Variants in GABRB2 observed in about 807,000 individuals in gnomAD.
GABRB2 encodes the protein gamma-aminobutyric acid receptor subunit beta-2.
GABRB2 carries 16 observed loss-of-function variants against 54.7 expected under a neutral mutation model. The observed-to-expected ratio is 0.29, with a 90% CI of 0.20 to 0.44. The LOEUF (loss-of-function observed/expected upper bound fraction) is 0.44, where lower values mean the gene tolerates loss of function less well. Among genes scored for constraint, GABRB2 ranks in the 20% least tolerant of loss-of-function variants. GABRB2 has a pLI of 1.00. For missense variants in GABRB2, 355 were observed against 644.0 expected (o/e 0.55, Z 4.86); for synonymous variants, 244 against 233.8 (o/e 1.04, Z -0.40).
chr5:161,297,532 G>A (rs1757416607), intron 9 of GABRB2, among the ~76,000 whole-genome samples: 1 of 152,116 alleles, frequency 6.6e-6, no homozygotes, highest in African/African-American at 2.4e-5. Flanking sequence ...AACATGTAGT[G>A]TTTGGTTTTC....
intron 4 of GABRB2, among the ~76,000 whole-genome samples, chr5:161,415,773 CA>C (rs1756646860): frequency 6.6e-6 from 1 of 151,670 alleles, no homozygotes; most frequent in Non-Finnish European, 1.5e-5. Flanking sequence ...CCACCACACC[CA>C]GCTAATTTTT....
At chr5:161,299,045 A>G (rs566656852) in intron 9 of GABRB2, among the ~76,000 whole-genome samples, 3 of 152,276 alleles carry the variant, frequency 2.0e-5, no homozygotes, top group South Asian at 2.1e-4. Flanking sequence ...CTCTCAGTGC[A>G]TGGTAGGGGC....
chr5:161,422,222 T>C lies in GABRB2; in HGVS notation c.459-11165A>G, dbSNP rs576864093. On this transcript the variant is annotated intron_variant, in intron 4 of 9. Transcript: ENST00000393959. ...GTATGCCAGGATGTTAAACACAACT[T>C]TATTTATAGTTGGGCAAAAAATCTC... is the stretch of plus-strand genomic sequence containing the variant. Among the ~76,000 whole-genome samples, 62 of 152,240 alleles carry C rather than the reference T, an allele frequency of 4.1e-4. No homozygotes were observed. In the Middle Eastern group the frequency reaches 0.01, roughly 25 times the overall value.
At chr5:161,498,256 T>A (rs1452287807) in intron 3 of GABRB2, among the ~76,000 whole-genome samples, 1 of 152,186 alleles carries the variant, frequency 6.6e-6, no homozygotes, top group African/African-American at 2.4e-5. Flanking sequence ...AAAGTGTATG[T>A]GTCACGTAAT....
intron 3 of GABRB2, among the ~76,000 whole-genome samples, chr5:161,512,005 T>A (rs1759785580): frequency 6.8e-6 from 1 of 148,048 alleles, no homozygotes; most frequent in South Asian, 2.1e-4. Context: ...ACAGACTAAT[T>A]CATTTTCAAA....
chr5:161,447,842 G>T (rs1173052907), intron 4 of GABRB2, among the ~76,000 whole-genome samples: 1 of 151,958 alleles, frequency 6.6e-6, no homozygotes. Flanking sequence ...TCTCCCCATG[G>T]GAAATAAGCC....
chr5:161,490,751 T>C (rs1174777747), intron 3 of GABRB2, among the ~76,000 whole-genome samples: 1 of 151,770 alleles, frequency 6.6e-6, no homozygotes, highest in East Asian at 1.9e-4. Flanking sequence ...AAGGAGTTAA[T>C]AAAAACACGT....
In GABRB2 at chr5:161,546,554, T is replaced by C. The variant is rs1490828397; in HGVS notation, c.77+13A>G. 1.3e-6 allele frequency: 2 copies of C among 1,592,008 alleles called. No individual in the cohort carries two copies. The highest frequency in any genetic ancestry group is 1.3e-5 in the African/African-American group (1 of 74,626). On this transcript the variant is annotated intron_variant, in intron 1 of 9. Transcript: ENST00000393959. Reference sequence around the variant, plus strand: ...AAGTGAGAACGGAAAAGAGAAACGCTGGGCACACTTACCTCTGCGCACAGA... The same window carrying C: ...AAGTGAGAACGGAAAAGAGAAACGCCGGGCACACTTACCTCTGCGCACAGA...
At chr5:161,347,214 A>G (rs1199373587) in intron 5 of GABRB2, among the ~76,000 whole-genome samples, 1 of 152,070 alleles carries the variant, frequency 6.6e-6, no homozygotes, top group Non-Finnish European at 1.5e-5. Flanking sequence ...CCTTTACTGG[A>G]GAAACTATTT....
intron 3 of GABRB2, among the ~76,000 whole-genome samples, chr5:161,535,873 T>C (rs1760618501): frequency 6.6e-6 from 1 of 152,126 alleles, no homozygotes; most frequent in Non-Finnish European, 1.5e-5. Context: ...TATGGGTAGA[T>C]TGATGCCTTA....
intron 4 of GABRB2, among the ~76,000 whole-genome samples, chr5:161,442,350 AG>A (rs1757492292): frequency 1.3e-5 from 2 of 152,240 alleles, no homozygotes; most frequent in African/African-American, 4.8e-5. Context: ...CATGAGCAAA[AG>A]TATATGCTTT....
chr5:161,499,556 C>A (rs1405129081), intron 3 of GABRB2, among the ~76,000 whole-genome samples: 1 of 152,164 alleles, frequency 6.6e-6, no homozygotes, highest in African/African-American at 2.4e-5. Context: ...AATTTCAGAA[C>A]CTCTGGATAT....
At chr5:161,377,345 T>C (rs529017497) in intron 5 of GABRB2, among the ~76,000 whole-genome samples, 1 of 152,248 alleles carries the variant, frequency 6.6e-6, no homozygotes, top group East Asian at 1.9e-4. Context: ...TCATCATCCC[T>C]TATCTTCAGG....
intron 3 of GABRB2, among the ~76,000 whole-genome samples, chr5:161,538,150 C>T (rs989119785): frequency 1.8e-4 from 28 of 152,096 alleles, no homozygotes; most frequent in African/African-American, 6.0e-4. Flanking sequence ...TATTTCCCCA[C>T]ATAAATAGTA....
intron 4 of GABRB2, among the ~76,000 whole-genome samples, chr5:161,438,477 A>C (rs1757373132): frequency 6.6e-6 from 1 of 152,082 alleles, no homozygotes; most frequent in Admixed American, 6.6e-5. Context: ...CTAACTCCTA[A>C]ATGTCCACAT....
chr5:161,451,989 G>A (rs886608876), intron 4 of GABRB2, among the ~76,000 whole-genome samples: 1 of 152,076 alleles, frequency 6.6e-6, no homozygotes, highest in Non-Finnish European at 1.5e-5. Context: ...TGTGTTTGTT[G>A]AAGAGTTTTC....
chr5:161,307,823 A>T (rs1222147854), intron 9 of GABRB2, among the ~76,000 whole-genome samples: 5 of 151,846 alleles, frequency 3.3e-5, no homozygotes, highest in Non-Finnish European at 7.4e-5. Flanking sequence ...GAGAGAGAAT[A>T]TATAAATTCA....
At chr5:161,547,247 G>A (rs577374423), upstream of GABRB2, 2 of 118,956 alleles carry the variant, frequency 1.7e-5, no homozygotes, top group African/African-American at 6.6e-5. Context: ...GGGAGGGGGC[G>A]TTGGGAGTCG....
intron 9 of GABRB2, among the ~76,000 whole-genome samples, chr5:161,324,007 G>T (rs1406339649): frequency 6.6e-6 from 1 of 152,050 alleles, no homozygotes; most frequent in Non-Finnish European, 1.5e-5. Context: ...TTTTATACTT[G>T]TTTATAATGG....
Sources: allele counts gnomAD v4.1 joint callset (sites outside exome capture counted in the v4.1 genomes callset), GRCh38; gene constraint gnomAD v4.1.1; transcripts MANE v1.5; gene names NCBI Gene and HGNC (gene_info 2026-07-23, HGNC 2026-07-21).